UNC13C: variants seen among roughly 807,000 people sequenced by gnomAD.
UNC13C encodes the protein unc-13 homolog C, also known as protein unc-13 homolog C.
UNC13C carries 174 observed loss-of-function variants against 245.4 expected under a neutral mutation model. The ratio of observed to expected loss-of-function variants is 0.71; its 90% confidence interval spans 0.63 to 0.80. The LOEUF (loss-of-function observed/expected upper bound fraction) is 0.80. Ranked by LOEUF, UNC13C falls within the 30% of genes least tolerant of loss-of-function variation. The pLI, the probability that UNC13C is intolerant of heterozygous loss-of-function variation, is 0.00. For missense variants in UNC13C, 2,829 were observed against 2,602.9 expected (o/e 1.09, Z -1.89); for synonymous variants, 992 against 895.1 (o/e 1.11, Z -1.93).
chr15:54,037,042 G>C (rs1014106823), intron 2 of UNC13C, among the ~76,000 whole-genome samples: 2 of 152,134 alleles, frequency 1.3e-5, no homozygotes, highest in Admixed American at 1.3e-4. Context: ...ATATGATTTG[G>C]GCTACTGAAA....
chr15:54,577,207 T>TC, intron 30 of UNC13C, among the ~76,000 whole-genome samples: 1 of 151,766 alleles, frequency 6.6e-6, no homozygotes, highest in Non-Finnish European at 1.5e-5. Context: ...AAGACTACTT[T>TC]TTTTTGGCAA....
At chr15:54,585,333 T>G (rs1898432501) in intron 30 of UNC13C, among the ~76,000 whole-genome samples, 1 of 152,108 alleles carries the variant, frequency 6.6e-6, no homozygotes. Context: ...CCCGTGTCTC[T>G]CTTGCTTCCT....
intron 13 of UNC13C, among the ~76,000 whole-genome samples, chr15:54,304,653 T>TA (rs55692010): frequency 0.26 from 32,211 of 123,238 alleles, 3,965 homozygotes; most frequent in South Asian, 0.31. Flanking sequence ...GAGATGTAAC[T>TA]AAAAAAAAAA....
chr15:53,946,145 A>G, the UNC13C span, among the ~76,000 whole-genome samples: 51 of 152,218 alleles, frequency 3.4e-4, no homozygotes, highest in Admixed American at 1.8e-3. Flanking sequence ...GGCCAAGGCT[A>G]TGGGGTTTTC....
At chr15:53,842,883 A>G in the UNC13C span, among the ~76,000 whole-genome samples, 1 of 142,814 alleles carries the variant, frequency 7.0e-6, no homozygotes, top group South Asian at 2.2e-4. Flanking sequence ...GTGCTTATTT[A>G]TATATAATTT....
chr15:54,063,681 A>G (rs1030668717), intron 2 of UNC13C, among the ~76,000 whole-genome samples: 1 of 152,202 alleles, frequency 6.6e-6, no homozygotes, highest in Non-Finnish European at 1.5e-5. Flanking sequence ...AGTAAATGCT[A>G]CAAGAATCAC....
chr15:53,939,869 G>A, the UNC13C span, among the ~76,000 whole-genome samples: 70 of 152,098 alleles, frequency 4.6e-4, no homozygotes, highest in Middle Eastern at 6.8e-3. Context: ...TAACCTGCTG[G>A]CTGTTCCATT....
At chr15:54,344,013 A>G (rs2140825069) in intron 17 of UNC13C, among the ~76,000 whole-genome samples, 1 of 152,346 alleles carries the variant, frequency 6.6e-6, no homozygotes, top group East Asian at 1.9e-4. Flanking sequence ...AAGTGTGATC[A>G]TATATCAAAA....
intron 2 of UNC13C, among the ~76,000 whole-genome samples, chr15:54,123,461 T>G (rs2030818598): frequency 6.6e-6 from 1 of 151,880 alleles, no homozygotes; most frequent in South Asian, 2.1e-4. Flanking sequence ...TTCTTAGTAT[T>G]TCATTTTCTT....
chr15:54,100,394 C>T (rs1160261210), intron 2 of UNC13C, among the ~76,000 whole-genome samples: 1 of 152,168 alleles, frequency 6.6e-6, no homozygotes, highest in Non-Finnish European at 1.5e-5. Flanking sequence ...TTTGACACCA[C>T]ATTCATTTAG....
chr15:54,195,631 G>A (rs1168483482), intron 4 of UNC13C, among the ~76,000 whole-genome samples: 3 of 152,056 alleles, frequency 2.0e-5, no homozygotes, highest in Non-Finnish European at 4.4e-5. Context: ...TCTGAATATT[G>A]AGGATCCCCT....
chr15:53,845,039 T>A, the UNC13C span, among the ~76,000 whole-genome samples: 1 of 152,076 alleles, frequency 6.6e-6, no homozygotes, highest in African/African-American at 2.4e-5. Context: ...ATATTAAAAA[T>A]TGAAGGCGGG....
At chr15:54,061,951 T>C (rs1283085546) in intron 2 of UNC13C, among the ~76,000 whole-genome samples, 2 of 152,188 alleles carry the variant, frequency 1.3e-5, no homozygotes, top group African/African-American at 2.4e-5. Context: ...GTATCAATCA[T>C]ATACCAAGAA....
intron 14 of UNC13C, among the ~76,000 whole-genome samples, chr15:54,327,835 G>A (rs575132139): frequency 1.1e-3 from 172 of 152,146 alleles, no homozygotes; most frequent in African/African-American, 4.0e-3. Context: ...GGAGGTAGGA[G>A]TGCTCTCTCC....
intron 19 of UNC13C, among the ~76,000 whole-genome samples, chr15:54,490,755 C>T (rs1408331028): frequency 6.6e-6 from 1 of 151,564 alleles, no homozygotes; most frequent in Non-Finnish European, 1.5e-5. Flanking sequence ...GGAAAAAGCT[C>T]AAGGTTTTAA....
chr15:53,999,942 C>A (rs1161825292), intron 1 of UNC13C, among the ~76,000 whole-genome samples: 1 of 151,922 alleles, frequency 6.6e-6, no homozygotes, highest in East Asian at 1.9e-4. Context: ...ATATTTGAGG[C>A]TTATTTCAAG....
At chr15:54,091,407 A>G (rs1199786230) in intron 2 of UNC13C, among the ~76,000 whole-genome samples, 1 of 152,198 alleles carries the variant, frequency 6.6e-6, no homozygotes, top group Non-Finnish European at 1.5e-5. Flanking sequence ...TAGGTTCAAC[A>G]TCATCATTTG....
Position 53,989,332 on chromosome 15 carries a change from T to TAA in UNC13C, c.-257+10416_-257+10417dup, listed in dbSNP as rs10675554. Reference sequence around the variant, plus strand: ...TGATTAACAAGCACTGCTTAATTGTTAAAAAAAAAAAATGTAGGCAATGTT... The same window carrying TAA: ...TGATTAACAAGCACTGCTTAATTGTTAAAAAAAAAAAAAATGTAGGCAATGTT... On this transcript the variant is annotated intron_variant, in intron 1 of 32. Transcript: ENST00000260323. 2.2e-3 allele frequency among the ~76,000 whole-genome samples: 316 copies of TAA among 145,514 alleles called. 2 individuals are homozygous for TAA. Among genetic ancestry groups the TAA allele is most frequent in the African/African-American group, 7.4e-3 (295 of 40,062 alleles).
the UNC13C span, among the ~76,000 whole-genome samples, chr15:53,858,782 G>A: frequency 6.6e-6 from 1 of 152,044 alleles, no homozygotes; most frequent in South Asian, 2.1e-4. Context: ...CTAACACACT[G>A]CTTCTTAAAT....
Sources: gnomAD v4.1 joint callset for allele counts (sites outside exome capture counted in the v4.1 genomes callset) on GRCh38, gnomAD v4.1.1 for gene constraint, MANE v1.5 for transcripts, NCBI Gene and HGNC (gene_info 2026-07-23, HGNC 2026-07-21) for gene names.